Variants in XKR7 observed in about 807,000 individuals in gnomAD.
XKR7 encodes XK related 7, also known as XK-related protein 7.
A neutral mutation model predicts 42.2 loss-of-function variants in XKR7; 11 were observed. The ratio of observed to expected loss-of-function variants is 0.26; its 90% CI spans 0.16 to 0.43. XKR7 has a LOEUF of 0.43. XKR7 is among the 20% of genes least tolerant of loss of function. XKR7 has a pLI of 1.00. For missense variants in XKR7, 710 were observed against 802.2 expected (o/e 0.89, Z 1.39); for synonymous variants, 346 against 366.4 (o/e 0.94, Z 0.64).
intron 1 of XKR7, among the ~76,000 whole-genome samples, chr20:31,975,112 G>T (rs905562382): frequency 3.3e-5 from 5 of 152,096 alleles, no homozygotes; most frequent in African/African-American, 1.2e-4. Flanking sequence ...GCAGGTCCCT[G>T]GGGAGAGGAG....
At chr20:31,993,195 T>C (rs2122278581) in intron 1 of XKR7, among the ~76,000 whole-genome samples, 1 of 151,882 alleles carries the variant, frequency 6.6e-6, no homozygotes, top group South Asian at 2.1e-4. Flanking sequence ...CAGCAAAGAG[T>C]GTGCCTGCCC....
Position 31,998,097 on chromosome 20 carries a change from G to A in XKR7, c.*640G>A, listed in dbSNP as rs1482135072. On this transcript the variant is annotated 3_prime_UTR_variant, in exon 3 of 3. Transcript: ENST00000562532. The stretch of plus-strand genomic sequence containing the variant: ...AGAAAGAACTGGGGGGGGGGTCTAG[G>A]CTGGCAGAAGCATGGAGGGGTGGAA... The A allele has an allele frequency of 7.4e-6, 1 of 135,438 alleles. No individual in the cohort carries two copies. Among genetic ancestry groups the A allele is most frequent in the Admixed American group, 7.5e-5 (1 of 13,338 alleles). The allele number at this position is 135,438 out of a possible 1,614,324, so 8.4% of individuals were successfully genotyped here.
chr20:31,977,554 G>A (rs1173221197), intron 1 of XKR7, among the ~76,000 whole-genome samples: 1 of 152,132 alleles, frequency 6.6e-6, no homozygotes, highest in Non-Finnish European at 1.5e-5. Flanking sequence ...TAAATGCACA[G>A]GGCTTGTCAC....
intron 1 of XKR7, among the ~76,000 whole-genome samples, chr20:31,989,422 T>C (rs1198970843): frequency 1.3e-5 from 2 of 152,110 alleles, no homozygotes; most frequent in Non-Finnish European, 2.9e-5. Context: ...TGGGAGGCCC[T>C]TGGAAGGCTT....
chr20:31,999,480 C>T lies in XKR7; in HGVS notation c.*2023C>T, dbSNP rs531141561. 1 of 152,200 alleles carries T rather than the reference C, an allele frequency of 6.6e-6. No homozygotes were observed. Among genetic ancestry groups the T allele is most frequent in the Non-Finnish European group, 1.5e-5 (1 of 68,056 alleles). 9.4% of individuals were successfully genotyped at this position (152,200 alleles called of 1,614,324 possible). ...GCTTTTCCTTCTTTCTGCTGCTAAG[C>T]ACCCTCAGGAACGAGGCCTCGAGGG... On this transcript the variant is annotated 3_prime_UTR_variant, in exon 3 of 3. Coordinates refer to ENST00000562532, the MANE Select transcript of XKR7 (RefSeq NM_001011718.2).
At chr20:31,990,033 T>C (rs574765031) in intron 1 of XKR7, among the ~76,000 whole-genome samples, 1 of 152,026 alleles carries the variant, frequency 6.6e-6, no homozygotes, top group East Asian at 1.9e-4. Context: ...TCAAATAGAG[T>C]GGGATGTGGG....
At chr20:31,982,338 T>G (rs1176944502) in intron 1 of XKR7, among the ~76,000 whole-genome samples, 1 of 151,972 alleles carries the variant, frequency 6.6e-6, no homozygotes, top group East Asian at 1.9e-4. Flanking sequence ...CTGGCTGACA[T>G]GGCGAAACCC....
At chr20:31,974,024 C>A (rs1030742049) in intron 1 of XKR7, among the ~76,000 whole-genome samples, 3 of 152,090 alleles carry the variant, frequency 2.0e-5, no homozygotes, top group Non-Finnish European at 4.4e-5. Flanking sequence ...GAAAGCCGGT[C>A]TCTACTAAAA....
rs2064596200 is a variant in XKR7, at chr20:31,997,002, A to G, written c.1285A>G (p.Ile429Val). The change falls in exon 3 of 3, where the codon ATA becomes GTA. Residue 429 changes from isoleucine (I) to valine (V), a missense_variant. This residue lies in a region of XKR7 where 708 missense variants were observed against 786.2 expected (regional missense o/e 0.90). Coordinates refer to ENST00000562532, the MANE Select transcript of XKR7 (RefSeq NM_001011718.2). ...CVVASSFALGIFFMCVYYCLL... is the reference protein window; with the variant it reads ...CVVASSFALGVFFMCVYYCLL... The stretch of plus-strand genomic sequence containing the variant: ...AGTGGCCTCCAGCTTTGCGCTGGGC[A>G]TATTCTTCATGTGTGTCTACTACTG... 1 of 1,613,978 alleles carries G rather than the reference A, an allele frequency of 6.2e-7. No homozygotes were observed. The highest frequency in any genetic ancestry group is 8.5e-7 in the Non-Finnish European group (1 of 1,180,054).
rs714605 is a variant in XKR7 at position 31,998,221 on chromosome 20, A to G, written c.*764A>G. The G allele has an allele frequency of 0.33, 49,585 of 151,890 alleles. 9,258 individuals are homozygous for G. Among genetic ancestry groups the G allele is most frequent in the African/African-American group, 0.51 (21,040 of 41,342 alleles). The allele number at this position is 151,890 out of a possible 1,614,324, so 9.4% of individuals were successfully genotyped here. The stretch of plus-strand genomic sequence containing the variant: ...GTGTTGTGGGCTCTGTGAAGGATGA[A>G]GTTCCACACACCTCAGGTGAAATGT... On this transcript the variant is annotated 3_prime_UTR_variant, in exon 3 of 3. Coordinates refer to ENST00000562532, the MANE Select transcript of XKR7 (RefSeq NM_001011718.2).
rs61750849 is a variant in XKR7 at position 31,996,907 on chromosome 20, C to T, written c.1190C>T (p.Ala397Val). 0.073 allele frequency: 118,231 copies of T among 1,613,780 alleles called. 4,715 individuals carry two copies. Among genetic ancestry groups the T allele is most frequent in the African/African-American group, 0.13 (9,916 of 75,018 alleles). Residue 397 changes from alanine (A) to valine (V), a missense_variant, in exon 3 of 3, where the codon GCG becomes GTG. This residue lies in a region of XKR7 where 708 missense variants were observed against 786.2 expected (regional missense o/e 0.90). Transcript: ENST00000562532. ...TGCATCGTCCTGCTGGAGAACGCCG[C>T]GCTCACCGGCTTCTGGTACTCCAGC... ...YHCIVLLENA[A>V]LTGFWYSSRN...
intron 1 of XKR7, among the ~76,000 whole-genome samples, chr20:31,983,332 A>G (rs2064522165): frequency 1.3e-5 from 2 of 152,208 alleles, no homozygotes. Context: ...GATGTGTGTT[A>G]CTTAAAAAAA....
At chr20:31,973,480 C>T (rs191178730) in intron 1 of XKR7, among the ~76,000 whole-genome samples, 25 of 152,024 alleles carry the variant, frequency 1.6e-4, no homozygotes, top group Admixed American at 1.2e-3. Flanking sequence ...TGGGCCAGAT[C>T]GTGATAAGTG....
chr20:31,975,244 G>A (rs974725122), intron 1 of XKR7, among the ~76,000 whole-genome samples: 5 of 151,694 alleles, frequency 3.3e-5, no homozygotes, highest in East Asian at 3.9e-4. Flanking sequence ...CCCCAATCCC[G>A]CCTCCACCTG....
At chr20:31,990,395 C>T (rs1245329879) in intron 1 of XKR7, among the ~76,000 whole-genome samples, 1 of 152,162 alleles carries the variant, frequency 6.6e-6, no homozygotes, top group Non-Finnish European at 1.5e-5. Context: ...GGAGAGACTA[C>T]CCAAGGTCAC....
intron 1 of XKR7, among the ~76,000 whole-genome samples, chr20:31,990,333 A>G (rs975172536): frequency 1.3e-5 from 2 of 152,070 alleles, no homozygotes; most frequent in African/African-American, 4.8e-5. Context: ...ACCCTGCCCC[A>G]TCACACTCAT....
intron 1 of XKR7, among the ~76,000 whole-genome samples, chr20:31,977,302 G>A (rs1465719443): frequency 2.0e-5 from 3 of 152,180 alleles, no homozygotes; most frequent in African/African-American, 4.8e-5. Flanking sequence ...TTCGCACCTA[G>A]GGTTCAGTTA....
chr20:31,972,556 T>C (rs893349881), intron 1 of XKR7, among the ~76,000 whole-genome samples: 2 of 152,204 alleles, frequency 1.3e-5, no homozygotes, highest in South Asian at 2.1e-4. Flanking sequence ...GTCCTAACCC[T>C]GTCCCCTCTG....
chr20:31,984,088 C>G (rs2064526251), intron 1 of XKR7, among the ~76,000 whole-genome samples: 1 of 151,884 alleles, frequency 6.6e-6, no homozygotes, highest in Admixed American at 6.6e-5. Context: ...ATGGTGAAAC[C>G]CTGTCTCTAC....
Sources: gnomAD v4.1 joint callset for allele counts (sites outside exome capture counted in the v4.1 genomes callset) on GRCh38, gnomAD v4.1.1 for gene constraint, gnomAD v4.1.1 regional missense constraint, MANE v1.5 for transcripts, NCBI Gene and HGNC (gene_info 2026-07-23, HGNC 2026-07-21) for gene names.